The following TUSC3 variants were observed in gnomAD, a reference collection of about 807,000 sequenced individuals.
The protein encoded by TUSC3 is tumor suppressor candidate 3.
In TUSC3, 45 loss-of-function variants were observed where a neutral mutation model predicts 44.8. That is an observed-to-expected ratio of 1.00 (90% CI 0.79 to 1.29). The LOEUF (loss-of-function observed/expected upper bound fraction) is 1.29. TUSC3 is among the 50% of genes most tolerant of loss of function. The pLI is 0.00. For missense variants in TUSC3, 519 were observed against 437.9 expected, an observed-to-expected ratio of 1.19 and a Z score of -1.65; for synonymous variants, 212 against 152.9, an observed-to-expected ratio of 1.39 and a Z score of -2.85.
At chr8:15,544,177 T>G (rs1349006880) in intron 1 of TUSC3, among the ~76,000 whole-genome samples, 1 of 152,256 alleles carries the variant, frequency 6.6e-6, no homozygotes, top group East Asian at 1.9e-4. Context: ...TGGGAGACTT[T>G]GGCTTTTTAG....
At chr8:15,496,689 A>G (rs1800884744) in intron 2 of TUSC3, among the ~76,000 whole-genome samples, 1 of 152,110 alleles carries the variant, frequency 6.6e-6, no homozygotes, top group Non-Finnish European at 1.5e-5. Flanking sequence ...GCTGTCTTGG[A>G]TGGAAGAAGC....
chr8:15,775,774 A>C, the TUSC3 span, among the ~76,000 whole-genome samples: 35 of 120,236 alleles, frequency 2.9e-4, no homozygotes, highest in South Asian at 4.6e-3. Flanking sequence ...ATATATATAT[A>C]TATCTTCCGT....
chr8:15,420,022 T>C (rs1421508034), intron 1 of TUSC3, among the ~76,000 whole-genome samples: 1 of 152,200 alleles, frequency 6.6e-6, no homozygotes, highest in African/African-American at 2.4e-5. Flanking sequence ...GATCCCATTA[T>C]ATGTATCTGT....
At chr8:15,730,563 A>C in intron 6 of TUSC3, 103 bp from the exon 7 acceptor site, 2 of 1,146,102 alleles carry the variant, frequency 1.7e-6, no homozygotes, top group South Asian at 1.4e-5. Flanking sequence ...AAAATTAGTA[A>C]AAATCGAATT....
the TUSC3 span, among the ~76,000 whole-genome samples, chr8:15,795,331 G>C: frequency 2.6e-5 from 4 of 152,202 alleles, no homozygotes; most frequent in Admixed American, 1.3e-4. Context: ...ACCCTGGCCA[G>C]TGAGCTGAAA....
chr8:15,502,441 C>T (rs1031952998), intron 2 of TUSC3, among the ~76,000 whole-genome samples: 31 of 152,286 alleles, frequency 2.0e-4, no homozygotes, highest in African/African-American at 6.5e-4. Flanking sequence ...TTTATTAGAG[C>T]TCCTATGTCG....
intron 1 of TUSC3, among the ~76,000 whole-genome samples, chr8:15,591,857 A>C (rs1453001895): frequency 6.6e-6 from 1 of 152,202 alleles, no homozygotes; most frequent in African/African-American, 2.4e-5. Context: ...TTTTATTTTA[A>C]GTGCCAAGAG....
chr8:15,426,814 G>A (rs1799809367), intron 1 of TUSC3, among the ~76,000 whole-genome samples: 1 of 152,282 alleles, frequency 6.6e-6, no homozygotes, highest in East Asian at 1.9e-4. Context: ...CTTCTGTACT[G>A]TATGCCATAG....
chr8:15,628,653 G>C (rs546962787), intron 2 of TUSC3, among the ~76,000 whole-genome samples: 5 of 152,236 alleles, frequency 3.3e-5, no homozygotes, highest in African/African-American at 1.2e-4. Flanking sequence ...TGTAGCTTTT[G>C]TATTTTATTC....
At chr8:15,725,887 A>G in intron 6 of TUSC3, among the ~76,000 whole-genome samples, 1 of 152,154 alleles carries the variant, frequency 6.6e-6, no homozygotes, top group East Asian at 1.9e-4. Context: ...CAGATTAGGA[A>G]ACTGAGGCCC....
At chr8:15,489,340 G>T (rs1800776125) in intron 2 of TUSC3, among the ~76,000 whole-genome samples, 2 of 152,170 alleles carry the variant, frequency 1.3e-5, no homozygotes, top group African/African-American at 4.8e-5. Flanking sequence ...TCCAAGTTAA[G>T]GGGTTGTGGA....
At chr8:15,595,062 G>A (rs1423429616) in intron 1 of TUSC3, among the ~76,000 whole-genome samples, 1 of 152,132 alleles carries the variant, frequency 6.6e-6, no homozygotes, top group African/African-American at 2.4e-5. Context: ...AACAGAACTT[G>A]GGCTATTCCC....
chr8:15,496,957 G>C (rs1426952025), intron 2 of TUSC3, among the ~76,000 whole-genome samples: 1 of 152,098 alleles, frequency 6.6e-6, no homozygotes, highest in Non-Finnish European at 1.5e-5. Flanking sequence ...GCCAGAACCT[G>C]TTTTAGATAT....
At chr8:15,677,773 A>C (rs1808254081) in intron 6 of TUSC3, among the ~76,000 whole-genome samples, 2 of 152,160 alleles carry the variant, frequency 1.3e-5, no homozygotes, top group African/African-American at 4.8e-5. Flanking sequence ...CAGGGGCAGG[A>C]AAGGTGGGGA....
chr8:15,851,134 A>G, the TUSC3 span, among the ~76,000 whole-genome samples: 1 of 152,206 alleles, frequency 6.6e-6, no homozygotes. Flanking sequence ...ATCTAAAAAT[A>G]TGTTTCATCC....
chr8:15,680,787 T>C (rs766730353), intron 6 of TUSC3, among the ~76,000 whole-genome samples: 2 of 152,116 alleles, frequency 1.3e-5, no homozygotes, highest in African/African-American at 2.4e-5. Flanking sequence ...AGGATTTTTA[T>C]CATGAACAGA....
intron 2 of TUSC3, among the ~76,000 whole-genome samples, chr8:15,636,958 G>GT (rs1475770554): frequency 6.6e-6 from 1 of 152,034 alleles, no homozygotes; most frequent in African/African-American, 2.4e-5. Flanking sequence ...TACTTTGAAT[G>GT]TGATTTGTTT....
At chr8:15,466,899 C>T (rs181577410) in intron 1 of TUSC3, among the ~76,000 whole-genome samples, 2 of 152,016 alleles carry the variant, frequency 1.3e-5, no homozygotes, top group South Asian at 2.1e-4. Flanking sequence ...AATATTGTTT[C>T]TTTCGTCCTT....
intron 1 of TUSC3, among the ~76,000 whole-genome samples, chr8:15,427,777 G>T (rs1288986966): frequency 6.6e-6 from 1 of 152,036 alleles, no homozygotes; most frequent in Non-Finnish European, 1.5e-5. Flanking sequence ...CTTGTGTATT[G>T]TTACTTTTGT....
Sources: allele counts gnomAD v4.1 joint callset (sites outside exome capture counted in the v4.1 genomes callset), GRCh38; gene constraint gnomAD v4.1.1; transcripts MANE v1.5; gene names NCBI Gene and HGNC (gene_info 2026-07-23, HGNC 2026-07-21).